The following GRIN3A variants were observed in gnomAD, a reference collection of about 807,000 sequenced individuals.
The protein encoded by GRIN3A is glutamate ionotropic receptor NMDA type subunit 3A.
Under a neutral mutation model 92.4 loss-of-function variants are expected in GRIN3A, and 47 were observed. That is an observed-to-expected ratio of 0.51 (90% CI 0.40 to 0.65). The LOEUF is 0.65. GRIN3A is among the 30% of genes least tolerant of loss of function. The pLI is 0.00. For missense variants in GRIN3A, 1,324 were observed against 1,393.1 expected, an observed-to-expected ratio of 0.95 and a Z score of 0.79; for synonymous variants, 527 against 540.6, an observed-to-expected ratio of 0.97 and a Z score of 0.35.
intron 3 of GRIN3A, among the ~76,000 whole-genome samples, chr9:101,666,173 T>C (rs1013356153): frequency 1.3e-5 from 2 of 151,882 alleles, no homozygotes; most frequent in African/African-American, 4.8e-5. Context: ...TTTTTCTCCC[T>C]ATCACCTTCT....
chr9:101,663,713 A>C (rs1588272467), intron 3 of GRIN3A, among the ~76,000 whole-genome samples: 1 of 151,834 alleles, frequency 6.6e-6, no homozygotes, highest in South Asian at 2.1e-4. Flanking sequence ...TTTTGGTTAA[A>C]GTTTGCCCTT....
At chr9:101,633,154 G>A (rs947390085) in intron 3 of GRIN3A, among the ~76,000 whole-genome samples, 3 of 152,076 alleles carry the variant, frequency 2.0e-5, no homozygotes, top group African/African-American at 7.2e-5. Flanking sequence ...CTATATCCAA[G>A]GTAGATGTAA....
chr9:101,683,582 T>C (rs1222808294), intron 2 of GRIN3A, among the ~76,000 whole-genome samples: 1 of 152,228 alleles, frequency 6.6e-6, no homozygotes, highest in Non-Finnish European at 1.5e-5. Flanking sequence ...GACTTGTTCC[T>C]GAATACTTTT....
At chr9:101,631,180 T>G (rs1421966420) in intron 3 of GRIN3A, among the ~76,000 whole-genome samples, 1 of 152,236 alleles carries the variant, frequency 6.6e-6, no homozygotes, top group Admixed American at 6.5e-5. Flanking sequence ...AGAATAATGT[T>G]AATTTTAATT....
intron 3 of GRIN3A, among the ~76,000 whole-genome samples, chr9:101,646,973 G>A (rs1046232656): frequency 4.0e-5 from 6 of 151,318 alleles, no homozygotes; most frequent in African/African-American, 1.2e-4. Flanking sequence ...TTTCCAATTT[G>A]GATGCTTTTT....
chr9:101,581,805 G>T (rs957388640), intron 6 of GRIN3A, among the ~76,000 whole-genome samples: 9 of 152,198 alleles, frequency 5.9e-5, no homozygotes, highest in African/African-American at 2.2e-4. Context: ...AGGAGCCTGG[G>T]TGTTATCCCT....
intron 1 of GRIN3A, among the ~76,000 whole-genome samples, chr9:101,697,318 T>G (rs1829697049): frequency 6.6e-6 from 1 of 152,210 alleles, no homozygotes; most frequent in Non-Finnish European, 1.5e-5. Context: ...AAATCATGGT[T>G]GAAAGTAAAG....
chr9:101,648,941 C>G (rs1828975406), intron 3 of GRIN3A, among the ~76,000 whole-genome samples: 1 of 151,956 alleles, frequency 6.6e-6, no homozygotes, highest in Non-Finnish European at 1.5e-5. Context: ...ATAGTGAGCA[C>G]TGGAACTAAA....
intron 5 of GRIN3A, among the ~76,000 whole-genome samples, chr9:101,615,191 T>C (rs1228807671): frequency 7.9e-6 from 1 of 125,854 alleles, no homozygotes; most frequent in Non-Finnish European, 1.6e-5. Flanking sequence ...TTGGACAGAA[T>C]AGTAAAAAAA....
chr9:101,702,664 A>G (rs1829770689), intron 1 of GRIN3A, among the ~76,000 whole-genome samples: 1 of 152,214 alleles, frequency 6.6e-6, no homozygotes, highest in South Asian at 2.1e-4. Flanking sequence ...ATTCTTCAAT[A>G]CAGAGATCTT....
intron 1 of GRIN3A, among the ~76,000 whole-genome samples, chr9:101,713,679 C>T (rs1274217301): frequency 6.6e-6 from 1 of 152,150 alleles, no homozygotes; most frequent in Admixed American, 6.5e-5. Context: ...ATAAGTGAAT[C>T]CTAAGTTAGA....
intron 1 of GRIN3A, among the ~76,000 whole-genome samples, chr9:101,714,369 AG>A (rs1829919201): frequency 6.6e-6 from 1 of 152,216 alleles, no homozygotes; most frequent in Admixed American, 6.5e-5. Flanking sequence ...AAACATAAAA[AG>A]CTTGGCAAAT....
chr9:101,590,365 T>C (rs952804625), intron 6 of GRIN3A, among the ~76,000 whole-genome samples: 1 of 132,538 alleles, frequency 7.5e-6, no homozygotes, highest in African/African-American at 2.7e-5. Flanking sequence ...TATTTATTTA[T>C]TTATTTATTT....
At position 101,612,746 on chromosome 9, in the gene GRIN3A, C is replaced by T. The variant is rs559639981; in HGVS notation, c.2766+630G>A. Among the ~76,000 whole-genome samples, 3 of 152,232 alleles carry T rather than the reference C, an allele frequency of 2.0e-5. No individual in the cohort carries two copies. In the South Asian group the frequency reaches 6.2e-4, roughly 32 times the overall value. ...TATTTTATAGGTTTCTTTCTAATTA[C>T]ATTGTAAAGTCAGTGTACTGCAATA... On this transcript the variant is annotated intron_variant, in intron 6 of 8. Coordinates refer to ENST00000361820, the MANE Select transcript of GRIN3A (RefSeq NM_133445.3).
chr9:101,600,016 T>TA (rs1828191168), intron 6 of GRIN3A, among the ~76,000 whole-genome samples: 1 of 152,206 alleles, frequency 6.6e-6, no homozygotes, highest in Admixed American at 6.5e-5. Context: ...TGAAATGGTG[T>TA]TTAATGAATT....
intron 6 of GRIN3A, among the ~76,000 whole-genome samples, chr9:101,611,082 T>A (rs1237302205): frequency 6.8e-6 from 1 of 146,036 alleles, no homozygotes. Context: ...TGGGTTACAG[T>A]GTGAGAGTCT....
intron 3 of GRIN3A, among the ~76,000 whole-genome samples, chr9:101,656,193 G>A (rs1035876252): frequency 6.6e-6 from 1 of 151,976 alleles, no homozygotes; most frequent in African/African-American, 2.4e-5. Flanking sequence ...ACTGATTTGT[G>A]CTGGTTTTGC....
intron 6 of GRIN3A, among the ~76,000 whole-genome samples, chr9:101,584,781 T>TAA (rs1403660546): frequency 6.6e-6 from 1 of 152,252 alleles, no homozygotes; most frequent in Admixed American, 6.5e-5. Context: ...GATAAGATTA[T>TAA]AAACTTTGTT....
chr9:101,642,412 T>C (rs532388817), intron 3 of GRIN3A, among the ~76,000 whole-genome samples: 21 of 152,282 alleles, frequency 1.4e-4, no homozygotes, highest in Admixed American at 1.1e-3. Flanking sequence ...TTGACATTGG[T>C]GTTGGCAATG....
Sources: gnomAD v4.1 joint callset for allele counts (sites outside exome capture counted in the v4.1 genomes callset) on GRCh38, gnomAD v4.1.1 for gene constraint, MANE v1.5 for transcripts, NCBI Gene and HGNC (gene_info 2026-07-23, HGNC 2026-07-21) for gene names.